The following SDC3 variants were observed in gnomAD, a reference collection of about 807,000 sequenced individuals.
SDC3 encodes syndecan 3, also known as syndecan-3.
Under a neutral mutation model 24.4 loss-of-function variants are expected in SDC3, and 13 were observed. The ratio of observed to expected loss-of-function variants is 0.53; its 90% confidence interval spans 0.35 to 0.85. SDC3 has a LOEUF of 0.85. Ranked by LOEUF, SDC3 falls within the 40% of genes least tolerant of loss-of-function variation. The pLI is 0.01. For missense variants in SDC3, 571 were observed against 584.5 expected, an observed-to-expected ratio of 0.98 and a Z score of 0.24; for synonymous variants, 295 against 260.9, an observed-to-expected ratio of 1.13 and a Z score of -1.26.
At chr1:30,897,779 G>A (rs903291583) in intron 1 of SDC3, among the ~76,000 whole-genome samples, 5 of 152,136 alleles carry the variant, frequency 3.3e-5, no homozygotes, top group Non-Finnish European at 7.4e-5. Context: ...TAACCTCTCT[G>A]TACCTTGATT....
At position 30,877,071 on chromosome 1, in the gene SDC3, C is replaced by G; in HGVS notation, c.351G>C (p.Thr117=). Reference sequence around the variant, plus strand: ...ATGGTGTGCCCACAGGCTGGATGTTCGTGGTGGGCAGCACCGCAGGTGTGG... The same window carrying G: ...ATGGTGTGCCCACAGGCTGGATGTTGGTGGTGGGCAGCACCGCAGGTGTGG... ...VSTTPAVLPT[T]NIQPVGTPFE... The change falls in exon 3 of 5, where the codon ACG becomes ACC. Residue 117 remains threonine, a synonymous_variant. Coordinates refer to ENST00000339394, the MANE Select transcript of SDC3 (RefSeq NM_014654.4). 6.2e-7 allele frequency: 1 copy of G among 1,613,888 alleles called. No homozygotes were observed. The highest frequency in any genetic ancestry group is 8.5e-7 in the Non-Finnish European group (1 of 1,179,978).
At chr1:30,903,211 C>T (rs1175192883) in intron 1 of SDC3, among the ~76,000 whole-genome samples, 1 of 152,136 alleles carries the variant, frequency 6.6e-6, no homozygotes, top group Non-Finnish European at 1.5e-5. Flanking sequence ...ACGGATTTGG[C>T]CTCCACACAC....
intron 1 of SDC3, among the ~76,000 whole-genome samples, chr1:30,897,962 C>T (rs937223428): frequency 1.3e-5 from 2 of 152,166 alleles, no homozygotes; most frequent in African/African-American, 4.8e-5. Flanking sequence ...GACAAAAGGG[C>T]AGCACCCTCT....
At chr1:30,884,853 T>C (rs72882075) in intron 1 of SDC3, among the ~76,000 whole-genome samples, 51,801 of 152,080 alleles carry the variant, frequency 0.34, 11,562 homozygotes, top group African/African-American at 0.61. Flanking sequence ...ACCCACATAC[T>C]GAACGACAGG....
chr1:30,908,590 G>T lies in SDC3; in HGVS notation c.-4C>A, dbSNP rs1422574123. ...GGTGCGGCGGCCCCGGCTTCATGGCGGCGGCGCGGGCGCGGGCGGCGGGCG... is the reference window on the plus strand; with the variant it reads ...GGTGCGGCGGCCCCGGCTTCATGGCTGCGGCGCGGGCGCGGGCGGCGGGCG... On this transcript the variant is annotated 5_prime_UTR_variant, in exon 1 of 5. Coordinates refer to ENST00000339394, the MANE Select transcript of SDC3 (RefSeq NM_014654.4). The T allele has an allele frequency of 4.9e-5, 48 of 974,916 alleles. No homozygotes were observed. Among genetic ancestry groups the T allele is most frequent in the Non-Finnish European group, 5.6e-5 (46 of 824,802 alleles). The allele number at this position is 974,916 out of a possible 1,614,324, so 60.4% of individuals were successfully genotyped here. A position where few individuals can be genotyped will look rare whatever the true frequency, so the allele number is the denominator to read the frequency against.
chr1:30,871,583 G>A lies in SDC3; in HGVS notation c.*1628C>T, dbSNP rs1291397874. ...GCAGCCAGAATTGTTTGGCCAAATAGGTGAGGGGGTGTCCACAGGGAGGGC... is the reference window on the plus strand; with the variant it reads ...GCAGCCAGAATTGTTTGGCCAAATAAGTGAGGGGGTGTCCACAGGGAGGGC... On this transcript the variant is annotated 3_prime_UTR_variant, in exon 5 of 5. Transcript: ENST00000339394. 1 of 152,414 alleles carries A rather than the reference G, an allele frequency of 6.6e-6. No homozygotes were observed. Among genetic ancestry groups the A allele is most frequent in the Non-Finnish European group, 1.5e-5 (1 of 68,186 alleles). 9.4% of individuals were successfully genotyped at this position (152,414 alleles called of 1,614,324 possible).
At chr1:30,902,802 A>T (rs1309483829) in intron 1 of SDC3, among the ~76,000 whole-genome samples, 2 of 152,214 alleles carry the variant, frequency 1.3e-5, no homozygotes, top group Admixed American at 6.5e-5. Context: ...GGCGCCTCCC[A>T]GCCCACGGGC....
At chr1:30,894,829 G>GCACC (rs1639977663) in intron 1 of SDC3, among the ~76,000 whole-genome samples, 3 of 151,972 alleles carry the variant, frequency 2.0e-5, no homozygotes, top group Admixed American at 2.0e-4. Flanking sequence ...GTGCATCCAT[G>GCACC]TGTGTATGCC....
intron 1 of SDC3, among the ~76,000 whole-genome samples, chr1:30,882,793 C>T (rs1457907193): frequency 6.6e-6 from 1 of 152,176 alleles, no homozygotes; most frequent in African/African-American, 2.4e-5. Flanking sequence ...CCTAGAGAAA[C>T]CGGTCAGCAC....
At chr1:30,886,407 A>G (rs1162934553) in intron 1 of SDC3, among the ~76,000 whole-genome samples, 13 of 152,002 alleles carry the variant, frequency 8.6e-5, no homozygotes, top group African/African-American at 3.1e-4. Context: ...CCAAATTAGG[A>G]AGTCCTTTCT....
At chr1:30,891,810 G>A (rs537478644) in intron 1 of SDC3, among the ~76,000 whole-genome samples, 4 of 147,886 alleles carry the variant, frequency 2.7e-5, no homozygotes, top group East Asian at 3.9e-4. Flanking sequence ...CCAAGATCAC[G>A]CCACTGCACT....
intron 1 of SDC3, among the ~76,000 whole-genome samples, chr1:30,896,046 T>TCACTGGGTGCC (rs1639994589): frequency 6.6e-6 from 1 of 152,096 alleles, no homozygotes; most frequent in Admixed American, 6.5e-5. Flanking sequence ...CCTCCATAGC[T>TCACTGGGTGCC]CACTGGGTGC....
chr1:30,874,340 C>A lies in SDC3; in HGVS notation c.1119G>T (p.Gln373His), dbSNP rs1302929914. The change falls in exon 4 of 5, where the codon CAG becomes CAT. Residue 373 changes from glutamine to histidine, a missense_variant. By Grantham distance (24) the Gln-to-His change is conservative (BLOSUM62 0). This residue lies in a region of SDC3 where 74 missense variants were observed against 112.9 expected (regional missense o/e 0.66). Coordinates refer to ENST00000339394, the MANE Select transcript of SDC3 (RefSeq NM_014654.4). ...GCTCCAGGATACTCTTCTGAGGCAG[C>A]TGAGCAGCTGAGCTGCCCGAGTCGA... ...NAIDSGSSAAQLPQKSILERK... is the reference protein window; with the variant it reads ...NAIDSGSSAAHLPQKSILERK... 1.9e-6 allele frequency: 3 copies of A among 1,613,252 alleles called. No homozygotes were observed. The highest frequency in any genetic ancestry group is 2.2e-5 in the South Asian group (2 of 91,062).
intron 1 of SDC3, among the ~76,000 whole-genome samples, chr1:30,891,054 C>T (rs1190924416): frequency 6.6e-6 from 1 of 152,222 alleles, no homozygotes; most frequent in South Asian, 2.1e-4. Flanking sequence ...AACCCTCGAC[C>T]CCAGCATTCC....
Position 30,869,536 on chromosome 1 carries a change from C to CAAAAAAAAAAAAAA in SDC3, c.*3661_*3674dup, listed in dbSNP as rs11338317. The CAAAAAAAAAAAAAA allele has an allele frequency of 3.3e-4, 114 of 347,824 alleles. No homozygotes were observed. The highest frequency in any genetic ancestry group is 7.1e-4 in the Middle Eastern group (1 of 1,402). 21.5% of individuals were successfully genotyped at this position (347,824 alleles called of 1,614,324 possible). ...AGGAAGTGTTAAAAAAACAAACAAA[C>CAAAAAAAAAAAAAA]AAAAAAAAAAAAAAAAAAAAAAAAA... is the stretch of plus-strand genomic sequence containing the variant. On this transcript the variant is annotated 3_prime_UTR_variant, in exon 5 of 5. Coordinates refer to ENST00000339394, the MANE Select transcript of SDC3 (RefSeq NM_014654.4).
intron 1 of SDC3, among the ~76,000 whole-genome samples, chr1:30,887,544 CA>C (rs1639847620): frequency 6.6e-6 from 1 of 152,036 alleles, no homozygotes; most frequent in Non-Finnish European, 1.5e-5. Flanking sequence ...CAAATCCACC[CA>C]AACGACGTCC....
At chr1:30,881,865 C>G (rs1462867595) in intron 1 of SDC3, among the ~76,000 whole-genome samples, 1 of 152,182 alleles carries the variant, frequency 6.6e-6, no homozygotes, top group Non-Finnish European at 1.5e-5. Flanking sequence ...CATTCCTGAG[C>G]CACCCCCAGA....
Position 30,874,592 on chromosome 1 carries a change from C to T in SDC3, c.871-4G>A, listed in dbSNP as rs188640187. The T allele has an allele frequency of 1.2e-6, 2 of 1,613,004 alleles. No homozygotes were observed. Among genetic ancestry groups the T allele is most frequent in the East Asian group, 4.5e-5 (2 of 44,868 alleles). The stretch of plus-strand genomic sequence containing the variant: ...GGAAGGTCTCTGGAGTTGGGGTCTG[C>T]AGAGAGGGTGGCATGAGCCCAGGAC... On this transcript the variant is annotated splice_polypyrimidine_tract_variant and splice_region_variant and intron_variant, in intron 3 of 4. Transcript: ENST00000339394.
In SDC3 at chr1:30,898,160, G is replaced by C. The variant is rs564806826; in HGVS notation, c.138+10289C>G. 2.6e-5 allele frequency among the ~76,000 whole-genome samples: 4 copies of C among 152,268 alleles called. No individual in the cohort carries two copies. In the South Asian group the frequency reaches 6.2e-4, roughly 24 times the overall value. ...GCATGAAACACACTCTCATCAGAAA[G>C]GGCGGCCCCTACAGCAGTGACCCCT... On this transcript the variant is annotated intron_variant, in intron 1 of 4. Transcript: ENST00000339394.
Sources: allele counts gnomAD v4.1 joint callset (sites outside exome capture counted in the v4.1 genomes callset), GRCh38; gene constraint gnomAD v4.1.1; regional missense constraint gnomAD v4.1.1; transcripts MANE v1.5; gene names NCBI Gene and HGNC (gene_info 2026-07-23, HGNC 2026-07-21).